PCSK6: variants seen among roughly 807,000 people sequenced by gnomAD.
PCSK6 encodes paired basic amino acid cleaving enzyme 4.
A neutral mutation model predicts 123.3 loss-of-function variants in PCSK6; 85 were observed. That is an observed-to-expected ratio of 0.69 (90% CI 0.58 to 0.83). The LOEUF is 0.83. PCSK6 is among the 40% of genes least tolerant of loss of function. The pLI is 0.00. For synonymous variants in PCSK6, 508 were observed against 516.0 expected (o/e 0.98, Z 0.21); for missense variants, 1,191 against 1,282.3 (o/e 0.93, Z 1.09).
intron 19 of PCSK6, among the ~76,000 whole-genome samples, chr15:101,315,214 T>C (rs2039960993): frequency 6.6e-6 from 1 of 152,220 alleles, no homozygotes; most frequent in Non-Finnish European, 1.5e-5. Context: ...GGCACACAAA[T>C]GTAAATTCAC....
At chr15:101,347,141 A>G (rs748727042) in intron 13 of PCSK6, 289 of 1,231,708 alleles carry the variant, frequency 2.3e-4, no homozygotes, top group Non-Finnish European at 2.8e-4. Flanking sequence ...TCCAGAAATG[A>G]GAGTTTAGTG....
chr15:101,478,927 G>A (rs375407061), intron 1 of PCSK6, among the ~76,000 whole-genome samples: 120 of 152,322 alleles, frequency 7.9e-4, no homozygotes, highest in African/African-American at 2.7e-3. Flanking sequence ...CCATACTCAC[G>A]CTTAAGGATG....
At chr15:101,316,908 C>CTTTTTTTTTTTTTTT (rs2040001564) in intron 19 of PCSK6, among the ~76,000 whole-genome samples, 1 of 91,686 alleles carries the variant, frequency 1.1e-5, no homozygotes, top group African/African-American at 9.0e-5. Context: ...AGACTTAATT[C>CTTTTTTTTTTTTTTT]TGTTTTTTTT....
intron 1 of PCSK6, among the ~76,000 whole-genome samples, chr15:101,486,131 T>A (rs751962955): frequency 3.5e-4 from 53 of 152,048 alleles, no homozygotes; most frequent in South Asian, 1.9e-3. Context: ...GCCCAGCTAA[T>A]TTTTGTATTT....
chr15:101,475,102 C>G (rs776558591), intron 1 of PCSK6, among the ~76,000 whole-genome samples: 1 of 152,192 alleles, frequency 6.6e-6, no homozygotes, highest in Non-Finnish European at 1.5e-5. Flanking sequence ...GAGAGGCTGC[C>G]CCATTCTCCT....
intron 13 of PCSK6, among the ~76,000 whole-genome samples, chr15:101,338,663 T>C (rs993539752): frequency 6.6e-6 from 1 of 152,240 alleles, no homozygotes; most frequent in Non-Finnish European, 1.5e-5. Flanking sequence ...TGTTCAAGTT[T>C]ACTGTTGTAC....
At chr15:101,430,171 C>G (rs2056402809) in intron 4 of PCSK6, 108 bp from the exon 5 acceptor site, 1 of 779,312 alleles carries the variant, frequency 1.3e-6, no homozygotes, top group African/African-American at 1.7e-5. Context: ...CGGGGCTCCT[C>G]TCTTACTATA....
chr15:101,385,857 C>T (rs138660975), intron 9 of PCSK6, among the ~76,000 whole-genome samples: 3 of 152,312 alleles, frequency 2.0e-5, no homozygotes, highest in Non-Finnish European at 2.9e-5. Flanking sequence ...CTCATGGTTC[C>T]GGCCGCCATT....
At chr15:101,368,413 T>C (rs1160700418) in intron 12 of PCSK6, among the ~76,000 whole-genome samples, 1 of 152,104 alleles carries the variant, frequency 6.6e-6, no homozygotes, top group Non-Finnish European at 1.5e-5. Context: ...CTTATAACAG[T>C]CCTAATGTTT....
At position 101,389,473 on chromosome 15, in the gene PCSK6, A is replaced by G; in HGVS notation, c.1301T>C (p.Leu434Pro). 6.2e-7 allele frequency: 1 copy of G among 1,612,428 alleles called. No individual in the cohort carries two copies. The highest frequency in any genetic ancestry group is 8.5e-7 in the Non-Finnish European group (1 of 1,178,746). ...GTAAGTGGGAACTTACTTTGCTTCT[A>G]GAGCCAAGGCGATGATGCCCGCCAC... is the stretch of plus-strand genomic sequence containing the variant. ...PMVAGIIALA[L>P]EANSQLTWRD... is the part of the protein sequence containing the mutation. The change falls in exon 9 of 22, where the codon CTA (leucine) becomes CCA (proline). Residue 434 changes from leucine to proline, a missense_variant. Leu to Pro is a moderately conservative substitution (Grantham distance 98). Around this residue, in one of 3 missense-constraint regions of PCSK6, gnomAD observed 357 missense variants for 484.5 expected, o/e 0.74. Transcript: ENST00000611716.
intron 1 of PCSK6, among the ~76,000 whole-genome samples, chr15:101,452,728 A>T (rs1318771340): frequency 1.3e-5 from 2 of 152,182 alleles, no homozygotes; most frequent in African/African-American, 4.8e-5. Context: ...GAAAGTGAAG[A>T]CACAGGACAT....
At chr15:101,383,842 G>A (rs1203936353) in intron 10 of PCSK6, among the ~76,000 whole-genome samples, 1 of 152,020 alleles carries the variant, frequency 6.6e-6, no homozygotes, top group Non-Finnish European at 1.5e-5. Context: ...TGATTAACTA[G>A]ATGTAGTACA....
chr15:101,333,875 C>T (rs1314634357), intron 13 of PCSK6, among the ~76,000 whole-genome samples: 2 of 152,216 alleles, frequency 1.3e-5, no homozygotes, highest in African/African-American at 4.8e-5. Flanking sequence ...GACCCATTTA[C>T]ACAATGTGGC....
chr15:101,418,312 A>C (rs1406297318), intron 6 of PCSK6, among the ~76,000 whole-genome samples: 1 of 152,134 alleles, frequency 6.6e-6, no homozygotes, highest in Admixed American at 6.6e-5. Context: ...AAGTTTCCTA[A>C]CTCTTTCTAC....
intron 1 of PCSK6, among the ~76,000 whole-genome samples, chr15:101,485,245 T>C (rs2057991799): frequency 6.6e-6 from 1 of 152,232 alleles, no homozygotes; most frequent in Non-Finnish European, 1.5e-5. Context: ...TTTCTCTTCA[T>C]TGACTTCTCC....
At chr15:101,323,562 C>T (rs1469020467) in intron 17 of PCSK6, among the ~76,000 whole-genome samples, 1 of 152,114 alleles carries the variant, frequency 6.6e-6, no homozygotes, top group Non-Finnish European at 1.5e-5. Context: ...GAAACCCCAT[C>T]TCTACTAAAA....
chr15:101,471,924 G>A (rs186931056), intron 1 of PCSK6, among the ~76,000 whole-genome samples: 40 of 152,254 alleles, frequency 2.6e-4, no homozygotes, highest in African/African-American at 8.7e-4. Context: ...TATGCATGCT[G>A]GTTGTCTGTT....
chr15:101,360,593 AG>A (rs2041188619), intron 13 of PCSK6, among the ~76,000 whole-genome samples: 1 of 99,476 alleles, frequency 1.0e-5, no homozygotes, highest in African/African-American at 5.0e-5. Context: ...CGGGGGCCTT[AG>A]CATCCCCTGG....
At chr15:101,405,947 T>C (rs1203570195) in intron 6 of PCSK6, among the ~76,000 whole-genome samples, 34 of 152,210 alleles carry the variant, frequency 2.2e-4, no homozygotes, top group Admixed American at 2.2e-3. Flanking sequence ...TTCGCCATGC[T>C]GGCCAGGCTG....
Sources: allele counts gnomAD v4.1 joint callset (sites outside exome capture counted in the v4.1 genomes callset), GRCh38; gene constraint gnomAD v4.1.1; regional missense constraint gnomAD v4.1.1; transcripts MANE v1.5; gene names NCBI Gene and HGNC (gene_info 2026-07-23, HGNC 2026-07-21).